PPP4R3B: variants seen among roughly 807,000 people sequenced by gnomAD.
PPP4R3B encodes the protein serine/threonine-protein phosphatase 4 regulatory subunit 3B.
A neutral mutation model predicts 95.4 loss-of-function variants in PPP4R3B; 52 were observed. The ratio of observed to expected loss-of-function variants is 0.54; its 90% CI spans 0.44 to 0.69. The LOEUF (loss-of-function observed/expected upper bound fraction) is 0.69. Among genes scored for constraint, PPP4R3B ranks in the 30% least tolerant of loss-of-function variants. PPP4R3B has a pLI of 0.00. For missense variants in PPP4R3B, 1,003 were observed against 1,005.9 expected (o/e 1.00, Z 0.04); for synonymous variants, 407 against 343.9 (o/e 1.18, Z -2.03).
Position 55,549,933 on chromosome 2 carries a change from T to C in PPP4R3B, c.2528A>G (p.Lys843Arg). ...ATTTTATGAGCCAAGACGAGGTCTT[T>C]TCCTGGGGGACGATTCTTCTTCTTC... Reference protein sequence around the residue: ...EDEEEESSPRKRPRLGS With the variant: ...EDEEEESSPRRRPRLGS The change falls in exon 17 of 17, where the codon AAA becomes AGA. Residue 843 changes from lysine to arginine, a missense_variant. Physicochemically the swap from Lys to Arg is conservative, Grantham distance 26. Transcript: ENST00000616407. 6.2e-7 allele frequency: 1 copy of C among 1,613,782 alleles called. No homozygotes were observed. The highest frequency in any genetic ancestry group is 2.2e-5 in the East Asian group (1 of 44,822).
At chr2:55,594,966 A>C (rs945814519) in intron 4 of PPP4R3B, among the ~76,000 whole-genome samples, 1 of 151,970 alleles carries the variant, frequency 6.6e-6, no homozygotes, top group Non-Finnish European at 1.5e-5. Flanking sequence ...AATGAAGTCG[A>C]TTAGCTAGGC....
In PPP4R3B at chr2:55,586,536, T is replaced by C. The variant is rs1006534078; in HGVS notation, c.1116+82A>G. 7 of 735,396 alleles carry C rather than the reference T, an allele frequency of 9.5e-6. No individual in the cohort carries two copies. In the African/African-American group the frequency reaches 1.2e-4, roughly 13 times the overall value. 45.6% of individuals were successfully genotyped at this position (735,396 alleles called of 1,614,324 possible). ...GCTAAACTATAGAATTGAATATACA[T>C]TATTATATATTTTCCCATCCATAAC... On this transcript the variant is annotated intron_variant, in intron 6 of 16. Transcript: ENST00000616407.
intron 10 of PPP4R3B, among the ~76,000 whole-genome samples, chr2:55,577,912 C>T (rs771395126): frequency 6.6e-6 from 1 of 151,702 alleles, no homozygotes; most frequent in Non-Finnish European, 1.5e-5. Context: ...CAGGGAAACA[C>T]AAGAATGTAA....
At chr2:55,606,038 G>GA (rs554082426) in intron 2 of PPP4R3B, among the ~76,000 whole-genome samples, 221 of 147,876 alleles carry the variant, frequency 1.5e-3, no homozygotes, top group African/African-American at 4.6e-3. Context: ...ATAAAAAAAA[G>GA]AAATAAATAG....
At chr2:55,558,243 G>A (rs897959358) in intron 16 of PPP4R3B, among the ~76,000 whole-genome samples, 2 of 152,176 alleles carry the variant, frequency 1.3e-5, no homozygotes, top group Non-Finnish European at 2.9e-5. Flanking sequence ...AATTTAAAAT[G>A]CAGTAACACT....
Position 55,564,314 on chromosome 2 carries a change from T to A in PPP4R3B, c.2259A>T (p.Lys753Asn). ...TGCAAAAATTCCGAATTTTAATACC[T>A]TTTTTAGTCTCCATAAACTTTTCAT... ...DNYEKFMETK[K>N]AKESEDKENL... Residue 753 changes from lysine (K) to asparagine (N), a missense_variant and splice_region_variant, in exon 15 of 17, where the codon AAA becomes AAT. Physicochemically the swap from Lys to Asn is moderately conservative, Grantham distance 94 (BLOSUM62 0). Around this residue, in one of 3 missense-constraint regions of PPP4R3B, gnomAD observed 229 missense variants for 194.7 expected, o/e 1.18. Transcript: ENST00000616407. 1 of 1,608,418 alleles carries A rather than the reference T, an allele frequency of 6.2e-7. No homozygotes were observed. Among genetic ancestry groups the A allele is most frequent in the Non-Finnish European group, 8.5e-7 (1 of 1,177,974 alleles).
At chr2:55,575,665 TG>T (rs1200179595) in intron 11 of PPP4R3B, among the ~76,000 whole-genome samples, 5 of 151,594 alleles carry the variant, frequency 3.3e-5, no homozygotes, top group Non-Finnish European at 7.4e-5. Flanking sequence ...CTCTAACTCC[TG>T]GGCTCAACCA....
chr2:55,607,286 C>G (rs1179788413), intron 2 of PPP4R3B, among the ~76,000 whole-genome samples: 3 of 152,124 alleles, frequency 2.0e-5, no homozygotes, highest in African/African-American at 7.2e-5. Flanking sequence ...CACTGTTTAC[C>G]CGGAGACACT....
chr2:55,604,291 A>G (rs1335599214), intron 2 of PPP4R3B, among the ~76,000 whole-genome samples: 1 of 152,200 alleles, frequency 6.6e-6, no homozygotes, highest in Non-Finnish European at 1.5e-5. Context: ...AAAACAAAAA[A>G]TATTAAAACA....
chr2:55,600,555 A>C (rs1692423309), intron 3 of PPP4R3B, among the ~76,000 whole-genome samples: 1 of 152,070 alleles, frequency 6.6e-6, no homozygotes, highest in Non-Finnish European at 1.5e-5. Flanking sequence ...AGAACTGAAA[A>C]AGTAAAACAT....
At chr2:55,616,969 C>T (rs782593) in intron 1 of PPP4R3B, among the ~76,000 whole-genome samples, 175 bp downstream of exon 1, 141,908 of 152,072 alleles carry the variant, frequency 0.93, 66,802 homozygotes, top group African/African-American at 0.98. Context: ...TCTCGGTCTC[C>T]GAGGATAAGT....
chr2:55,566,034 C>T (rs908567192), intron 13 of PPP4R3B, among the ~76,000 whole-genome samples: 1 of 151,988 alleles, frequency 6.6e-6, no homozygotes, highest in Non-Finnish European at 1.5e-5. Flanking sequence ...CTTCTAAATT[C>T]TAAACCATCA....
chr2:55,556,716 A>C (rs1685891305), intron 16 of PPP4R3B, among the ~76,000 whole-genome samples: 1 of 152,170 alleles, frequency 6.6e-6, no homozygotes, highest in African/African-American at 2.4e-5. Flanking sequence ...CATTTGTTAA[A>C]TAATTTAATC....
intron 16 of PPP4R3B, among the ~76,000 whole-genome samples, chr2:55,554,753 G>T (rs1228632077): frequency 6.6e-6 from 1 of 152,158 alleles, no homozygotes; most frequent in African/African-American, 2.4e-5. Context: ...TTTTGAATGA[G>T]TCCAATTTAT....
chr2:55,591,293 T>C (rs573789699), intron 4 of PPP4R3B, among the ~76,000 whole-genome samples: 32 of 151,526 alleles, frequency 2.1e-4, no homozygotes, highest in African/African-American at 7.1e-4. Context: ...CGTGCCACCA[T>C]ACCTGGCTAT....
rs113352487 is a variant in PPP4R3B, at chr2:55,563,192, C to T, written c.2260+1121G>A. ...GGATATTTTAATAAGCTTTTTGCTC[C>T]GCCACGCTGAGGCAAATAAAACTTA... is the stretch of plus-strand genomic sequence containing the variant. On this transcript the variant is annotated intron_variant, in intron 15 of 16. Transcript: ENST00000616407. Among the ~76,000 whole-genome samples, 120 of 152,196 alleles carry T rather than the reference C, an allele frequency of 7.9e-4. 1 individual carries two copies. Among genetic ancestry groups the T allele is most frequent in the Middle Eastern group, 3.4e-3 (1 of 294 alleles).
chr2:55,560,426 C>A (rs1358597698), intron 15 of PPP4R3B, among the ~76,000 whole-genome samples: 1 of 152,158 alleles, frequency 6.6e-6, no homozygotes, highest in Non-Finnish European at 1.5e-5. Flanking sequence ...GGAACTTGAA[C>A]TTGAGAGAGA....
At chr2:55,583,862 C>T (rs1689747380) in intron 7 of PPP4R3B, among the ~76,000 whole-genome samples, 1 of 152,126 alleles carries the variant, frequency 6.6e-6, no homozygotes, top group Non-Finnish European at 1.5e-5. Context: ...TAATTTCATT[C>T]AGTGGTAACT....
At chr2:55,601,616 G>C (rs1370713296) in intron 3 of PPP4R3B, among the ~76,000 whole-genome samples, 3 of 152,074 alleles carry the variant, frequency 2.0e-5, no homozygotes, top group Admixed American at 2.0e-4. Flanking sequence ...TCCTGACCTT[G>C]TGATCCTCCT....
Sources: allele counts gnomAD v4.1 joint callset (sites outside exome capture counted in the v4.1 genomes callset), GRCh38; gene constraint gnomAD v4.1.1; regional missense constraint gnomAD v4.1.1; transcripts MANE v1.5; gene names NCBI Gene and HGNC (gene_info 2026-07-23, HGNC 2026-07-21).